Variants in CDH2 observed in about 807,000 individuals in gnomAD.
CDH2 encodes the protein cadherin-2.
CDH2 carries 17 observed loss-of-function variants against 92.0 expected under a neutral mutation model. The ratio of observed to expected loss-of-function variants is 0.18; its 90% CI spans 0.13 to 0.28. The LOEUF (loss-of-function observed/expected upper bound fraction) is 0.28. Ranked by LOEUF, CDH2 falls within the 10% of genes least tolerant of loss-of-function variation. The pLI, the probability that CDH2 is intolerant of heterozygous loss-of-function variation, is 1.00. For missense variants in CDH2, 862 were observed against 1,133.1 expected (o/e 0.76, Z 3.44); for synonymous variants, 419 against 415.9 (o/e 1.01, Z -0.09).
chr18:28,093,586 C>G (rs1425151003), intron 2 of CDH2, among the ~76,000 whole-genome samples: 2 of 150,614 alleles, frequency 1.3e-5, no homozygotes, highest in East Asian at 3.9e-4. Context: ...AAAAAGAAAA[C>G]AAAACAAAAC....
chr18:28,156,375 G>A (rs564835814), intron 1 of CDH2, among the ~76,000 whole-genome samples: 1 of 152,182 alleles, frequency 6.6e-6, no homozygotes, highest in Admixed American at 6.5e-5. Context: ...TCAAAATCTG[G>A]GTCTGCATAC....
chr18:28,110,195 G>A (rs1262035978), intron 2 of CDH2, among the ~76,000 whole-genome samples: 2 of 152,198 alleles, frequency 1.3e-5, no homozygotes, highest in Non-Finnish European at 2.9e-5. Context: ...TATCTCCGCT[G>A]TTTAGCATTA....
At chr18:28,104,154 C>G (rs1295486044) in intron 2 of CDH2, among the ~76,000 whole-genome samples, 1 of 152,154 alleles carries the variant, frequency 6.6e-6, no homozygotes, top group Non-Finnish European at 1.5e-5. Context: ...GTTACTAAAA[C>G]AGACTTATGA....
chr18:28,023,770 C>A (rs184516971), intron 2 of CDH2, among the ~76,000 whole-genome samples: 256 of 152,288 alleles, frequency 1.7e-3, no homozygotes, highest in African/African-American at 4.9e-3. Context: ...GTCTTAACGT[C>A]ATCAATATAC....
At chr18:28,174,053 C>T (rs1005895737) in intron 1 of CDH2, among the ~76,000 whole-genome samples, 3 of 151,942 alleles carry the variant, frequency 2.0e-5, no homozygotes, top group Admixed American at 6.6e-5. Flanking sequence ...ATCTACATAA[C>T]AAGACTAACT....
chr18:28,072,702 G>A (rs1280093487), intron 2 of CDH2, among the ~76,000 whole-genome samples: 2 of 152,232 alleles, frequency 1.3e-5, no homozygotes, highest in Admixed American at 6.5e-5. Context: ...TGAGCTTTAT[G>A]ATGTACTTCC....
intron 13 of CDH2, among the ~76,000 whole-genome samples, chr18:27,983,966 AT>A (rs1201472465): frequency 3.9e-5 from 6 of 152,198 alleles, no homozygotes; most frequent in Non-Finnish European, 7.3e-5. Flanking sequence ...ATTGGAGCAC[AT>A]TTTTATTATT....
At chr18:27,945,323 A>ATTTTTTTTTT (rs66537834) in intron 6 of CDH2, among the ~76,000 whole-genome samples, 32 of 66,454 alleles carry the variant, frequency 4.8e-4, no homozygotes, top group African/African-American at 1.5e-3. Flanking sequence ...AGGAAGGAAG[A>ATTTTTTTTTT]TTTTTTTTTT....
At chr18:28,150,315 T>C (rs1302923081) in intron 1 of CDH2, among the ~76,000 whole-genome samples, 1 of 152,148 alleles carries the variant, frequency 6.6e-6, no homozygotes, top group East Asian at 1.9e-4. Flanking sequence ...TTCAGGGTAG[T>C]AGAGTATGCG....
At chr18:28,059,248 C>A (rs1243756787) in intron 2 of CDH2, among the ~76,000 whole-genome samples, 2 of 152,150 alleles carry the variant, frequency 1.3e-5, no homozygotes, top group African/African-American at 2.4e-5. Flanking sequence ...CAGGTTAAGA[C>A]TGGAAATGTA....
In CDH2 at chr18:27,956,049, C is replaced by T. The variant is rs17521950; in HGVS notation, c.2515-3690G>A. ...AATATTTTGGTAATTCTAAAAAGATCGCACTGAAGTCCTAAGAAACTGACA... is the reference window on the plus strand; with the variant it reads ...AATATTTTGGTAATTCTAAAAAGATTGCACTGAAGTCCTAAGAAACTGACA... On this transcript the variant is annotated intron_variant, in intron 15 of 15. Transcript: ENST00000269141. Among the ~76,000 whole-genome samples, 807 of 152,170 alleles carry T rather than the reference C, an allele frequency of 5.3e-3. 4 individuals carry two copies. The highest frequency in any genetic ancestry group is 0.018 in the African/African-American group (758 of 41,516).
Position 28,176,945 on chromosome 18 carries a change from GC to G in CDH2, c.60+17del. The G allele has an allele frequency of 8.3e-7, 1 of 1,211,892 alleles. No individual in the cohort carries two copies. The highest frequency in any genetic ancestry group is 3.6e-5 in the Admixed American group (1 of 27,398). The allele number at this position is 1,211,892 out of a possible 1,614,324, so 75.1% of individuals were successfully genotyped here. ...CCCCACCCCGCCCGTGGCCCGGCCC[GC>G]GGGGACCGCCGCGTACCTGAAGCAG... is the stretch of plus-strand genomic sequence containing the variant. On this transcript the variant is annotated intron_variant, in intron 1 of 15. Transcript: ENST00000269141.
intron 6 of CDH2, among the ~76,000 whole-genome samples, chr18:27,934,228 G>T (rs988119539): frequency 3.9e-5 from 6 of 152,076 alleles, no homozygotes; most frequent in Admixed American, 6.5e-5. Flanking sequence ...GGTTCTGTCG[G>T]CTTCCATTTT....
chr18:28,103,442 TTA>T (rs375212785), intron 2 of CDH2, among the ~76,000 whole-genome samples: 45,051 of 140,634 alleles, frequency 0.32, 8,116 homozygotes, highest in African/African-American at 0.45. Flanking sequence ...TGAAGTATGT[TTA>T]TATATATATA....
In CDH2 at chr18:27,990,344, C is replaced by T. The variant is rs773021925; in HGVS notation, c.1351G>A (p.Asp451Asn). ...DGLVTVVKPIDFETNRMFVLT... is the reference protein window; with the variant it reads ...DGLVTVVKPINFETNRMFVLT... Reference sequence around the variant, plus strand: ...ACAAACATCCTATTTGTTTCAAAGTCGATTGGCTGGAAAATAAAAGGGAAG... The same window carrying T: ...ACAAACATCCTATTTGTTTCAAAGTTGATTGGCTGGAAAATAAAAGGGAAG... The change falls in exon 10 of 16, where the codon GAC (aspartate) becomes AAC (asparagine). Residue 451 changes from aspartate to asparagine, a missense_variant. Asp to Asn is a conservative substitution (Grantham distance 23). This residue lies in a region of CDH2 where 564 missense variants were observed against 722.2 expected (regional missense o/e 0.78). Coordinates refer to ENST00000269141, the MANE Select transcript of CDH2 (RefSeq NM_001792.5). The T allele has an allele frequency of 2.2e-5, 35 of 1,605,328 alleles. No homozygotes were observed. Among genetic ancestry groups the T allele is most frequent in the Admixed American group, 1.7e-4 (10 of 59,598 alleles).
intron 2 of CDH2, among the ~76,000 whole-genome samples, chr18:28,025,243 C>T (rs1467160059): frequency 2.0e-5 from 3 of 152,070 alleles, no homozygotes; most frequent in Non-Finnish European, 2.9e-5. Context: ...ATAGGCTGGG[C>T]GCAGTGGCTC....
intron 2 of CDH2, among the ~76,000 whole-genome samples, chr18:28,139,114 A>C (rs551477741): frequency 3.3e-5 from 5 of 152,112 alleles, no homozygotes; most frequent in Non-Finnish European, 7.4e-5. Flanking sequence ...AAGAGTTTTT[A>C]ACCATTTTAG....
intron 15 of CDH2, among the ~76,000 whole-genome samples, chr18:27,957,491 A>G (rs2011281761): frequency 6.6e-6 from 1 of 151,870 alleles, no homozygotes; most frequent in Non-Finnish European, 1.5e-5. Flanking sequence ...GGCTCAAGCG[A>G]TCTGCCTGCC....
Position 28,053,020 on chromosome 18 carries a change from C to T in CDH2, c.173-39111G>A, listed in dbSNP as rs147407067. On this transcript the variant is annotated intron_variant, in intron 2 of 15. Coordinates refer to ENST00000269141, the MANE Select transcript of CDH2 (RefSeq NM_001792.5). ...TAAAAAGACGAATTTTGGACACAGA[C>T]ATGCATGTGCACAGAGGGAGGACCA... is the stretch of plus-strand genomic sequence containing the variant. Among the ~76,000 whole-genome samples, 160 of 152,246 alleles carry T rather than the reference C, an allele frequency of 1.1e-3. 1 individual carries two copies. Among genetic ancestry groups the T allele is most frequent in the African/African-American group, 3.8e-3 (158 of 41,556 alleles).
Sources: allele counts gnomAD v4.1 joint callset (sites outside exome capture counted in the v4.1 genomes callset), GRCh38; gene constraint gnomAD v4.1.1; regional missense constraint gnomAD v4.1.1; transcripts MANE v1.5; gene names NCBI Gene and HGNC (gene_info 2026-07-23, HGNC 2026-07-21).